HOMER2: variants seen among roughly 807,000 people sequenced by gnomAD.
The protein encoded by HOMER2 is homer protein homolog 2.
HOMER2 carries 27 observed loss-of-function variants against 47.0 expected under a neutral mutation model. The ratio of observed to expected loss-of-function variants is 0.57; its 90% CI spans 0.42 to 0.79. The LOEUF (loss-of-function observed/expected upper bound fraction) is 0.79, where lower values mean the gene tolerates loss of function less well. Ranked by LOEUF, HOMER2 falls within the 30% of genes least tolerant of loss-of-function variation. The probability of loss-of-function intolerance (pLI) is 0.00; values close to 1 mark genes in which losing one functional copy is unlikely to be tolerated. For synonymous variants in HOMER2, 161 were observed against 163.8 expected, an observed-to-expected ratio of 0.98 and a Z score of 0.13; for missense variants, 443 against 435.0, an observed-to-expected ratio of 1.02 and a Z score of -0.16.
chr15:82,900,547 C>T (rs764023246), intron 1 of HOMER2, among the ~76,000 whole-genome samples: 63 of 152,142 alleles, frequency 4.1e-4, no homozygotes, highest in Non-Finnish European at 8.2e-4. Flanking sequence ...TTTTAGCCAT[C>T]TCAGATATTG....
chr15:82,856,439 G>A (rs1050856259), intron 5 of HOMER2, among the ~76,000 whole-genome samples: 5 of 151,952 alleles, frequency 3.3e-5, no homozygotes, highest in Admixed American at 3.3e-4. Context: ...AACATAGCAA[G>A]ACCTCATCTC....
chr15:82,864,350 A>G, intron 3 of HOMER2, 91 bp from the exon 4 acceptor site: 1 of 761,272 alleles, frequency 1.3e-6, no homozygotes, highest in South Asian at 1.8e-5. Flanking sequence ...CATCCATTTT[A>G]GGCCCATACA....
At chr15:82,851,993 C>T in intron 7 of HOMER2, 149 bp downstream of exon 7, 3 of 616,822 alleles carry the variant, frequency 4.9e-6, no homozygotes, top group Non-Finnish European at 8.6e-6. Context: ...TCCAGCCTGT[C>T]TGCACCTTGC....
chr15:82,845,952 C>G (rs909695059), downstream of HOMER2: 2 of 152,280 alleles, frequency 1.3e-5, no homozygotes, highest in East Asian at 3.8e-4. Flanking sequence ...CAAATGTAGT[C>G]CACAGCAGGC....
chr15:82,835,788 G>A (rs771336569), downstream of HOMER2: 1 of 152,274 alleles, frequency 6.6e-6, no homozygotes, highest in Non-Finnish European at 1.5e-5. Context: ...AGATCCCAGA[G>A]ACAGGTCCAG....
rs367560346 is a variant in HOMER2, at chr15:82,916,863, G to A, written c.6-24022C>T. Among the ~76,000 whole-genome samples the A allele has an allele frequency of 7.9e-5, 12 of 151,004 alleles. No individual in the cohort carries two copies. The East Asian group carries it at 1.2e-3, about 15-fold the overall frequency. On this transcript the variant is annotated intron_variant, in intron 1 of 8. Coordinates refer to ENST00000450735, the MANE Select transcript of HOMER2 (RefSeq NM_004839.4). ...TGTTGCCAGACTGGAGTGCAATGGC[G>A]CGATCTCGGGTTACTGCAACCTCCA...
chr15:82,901,808 T>G (rs1439795679), intron 1 of HOMER2, among the ~76,000 whole-genome samples: 1 of 152,186 alleles, frequency 6.6e-6, no homozygotes, highest in Non-Finnish European at 1.5e-5. Context: ...GGAAAAACAT[T>G]AAAAGCATTT....
intron 1 of HOMER2, among the ~76,000 whole-genome samples, chr15:82,931,556 A>C (rs2054011060): frequency 6.7e-6 from 1 of 149,888 alleles, no homozygotes; most frequent in Non-Finnish European, 1.5e-5. Context: ...AAAAAAAAAA[A>C]GGCCAGGTGC....
chr15:82,968,191 C>T (rs2054692950), intron 1 of HOMER2, among the ~76,000 whole-genome samples: 1 of 152,170 alleles, frequency 6.6e-6, no homozygotes, highest in African/African-American at 2.4e-5. Context: ...CATGAGCCAC[C>T]ATGGCCGGCC....
At chr15:82,945,034 C>T (rs1789576656) in intron 1 of HOMER2, among the ~76,000 whole-genome samples, 1 of 152,090 alleles carries the variant, frequency 6.6e-6, no homozygotes, top group Admixed American at 6.5e-5. Context: ...CACCAACCAA[C>T]CTTAGCAACA....
intron 1 of HOMER2, among the ~76,000 whole-genome samples, chr15:82,915,313 G>A (rs4843144): frequency 0.58 from 87,470 of 151,800 alleles, 26,986 homozygotes; most frequent in African/African-American, 0.8. Context: ...AATTTTTTTA[G>A]AAGACTGGAA....
chr15:82,907,917 TAAAAA>T (rs2053335610), intron 1 of HOMER2, among the ~76,000 whole-genome samples: 1 of 152,144 alleles, frequency 6.6e-6, no homozygotes, highest in East Asian at 1.9e-4. Flanking sequence ...TATTTGGCAA[TAAAAA>T]AGAAATAAAA....
chr15:82,854,570 AG>A, intron 6 of HOMER2, 73 bp downstream of exon 6: 2 of 1,459,638 alleles, frequency 1.4e-6, no homozygotes, highest in South Asian at 2.6e-5. Context: ...AGGGAGAAAA[AG>A]GGTTGTGGGT....
At chr15:82,927,973 CAAAAAAAA>C (rs928406358) in intron 1 of HOMER2, among the ~76,000 whole-genome samples, 1 of 57,328 alleles carries the variant, frequency 1.7e-5, no homozygotes, top group South Asian at 7.0e-4. Flanking sequence ...AACTCCGTCT[CAAAAAAAA>C]AAAAAAAAAA....
downstream of HOMER2, among the ~76,000 whole-genome samples, chr15:82,847,983 T>G (rs1416103705): frequency 6.6e-6 from 1 of 152,162 alleles, no homozygotes; most frequent in African/African-American, 2.4e-5. Context: ...CAAAGATGGC[T>G]GGCCACGCTT....
chr15:82,931,044 A>G lies in HOMER2; in HGVS notation c.5+21487T>C, dbSNP rs546678998. ...CTCTTGGGCTCCCTCAGTTGCCCAT[A>G]CAGAGCCAAGATCTAGCCACTGCAC... On this transcript the variant is annotated intron_variant, in intron 1 of 8. Coordinates refer to ENST00000450735, the MANE Select transcript of HOMER2 (RefSeq NM_004839.4). Among the ~76,000 whole-genome samples, 16 of 151,984 alleles carry G rather than the reference A, an allele frequency of 1.1e-4. No individual in the cohort carries two copies. In the South Asian group the frequency reaches 3.3e-3, roughly 32 times the overall value.
rs999951466 is a variant in HOMER2 at position 82,946,150 on chromosome 15, C to T, written c.5+6381G>A. Among the ~76,000 whole-genome samples, 6 of 152,322 alleles carry T rather than the reference C, an allele frequency of 3.9e-5. No individual in the cohort carries two copies. In the South Asian group the frequency reaches 8.3e-4, roughly 21 times the overall value. On this transcript the variant is annotated intron_variant, in intron 1 of 8. Transcript: ENST00000450735. ...TCCAGAAAAGAAACCTAATAATTTA[C>T]ACAAATCACTGAGTCTATTCGACAA...
chr15:82,907,258 G>A (rs1291695966), intron 1 of HOMER2, among the ~76,000 whole-genome samples: 2 of 152,124 alleles, frequency 1.3e-5, no homozygotes, highest in Admixed American at 1.3e-4. Context: ...TCAGGAGGCT[G>A]AGGCATGAGA....
chr15:82,875,322 G>A lies in HOMER2; in HGVS notation c.245C>T (p.Ala82Val), dbSNP rs1253994828. Residue 82 changes from alanine (A) to valine (V), a missense_variant, in exon 3 of 9, where the codon GCC becomes GTC. Transcript: ENST00000450735. ...QKFGQWADSR[A>V]NTVFGLGFSS... ...AAACCCCAAACCAAACACTGTGTTGGCTCTGCTGTCGGCCCACTGCCCAAA... is the reference window on the plus strand; with the variant it reads ...AAACCCCAAACCAAACACTGTGTTGACTCTGCTGTCGGCCCACTGCCCAAA... 1.9e-5 allele frequency: 30 copies of A among 1,613,956 alleles called. No individual in the cohort carries two copies. Among genetic ancestry groups the A allele is most frequent in the Non-Finnish European group, 2.5e-5 (29 of 1,179,884 alleles).
Sources: allele counts gnomAD v4.1 joint callset (sites outside exome capture counted in the v4.1 genomes callset), GRCh38; gene constraint gnomAD v4.1.1; transcripts MANE v1.5; gene names NCBI Gene and HGNC (gene_info 2026-07-23, HGNC 2026-07-21).